STX18: variants seen among roughly 807,000 people sequenced by gnomAD.
The protein encoded by STX18 is syntaxin 18, also known as syntaxin-18.
In STX18, 40 loss-of-function variants were observed where a neutral mutation model predicts 50.1. The ratio of observed to expected loss-of-function variants is 0.80; its 90% CI spans 0.62 to 1.04. The LOEUF is 1.04. STX18 is among the 50% of genes least tolerant of loss of function. The probability of loss-of-function intolerance (pLI) is 0.00; values close to 1 mark genes in which losing one functional copy is unlikely to be tolerated. For synonymous variants in STX18, 158 were observed against 151.8 expected (o/e 1.04, Z -0.30); for missense variants, 410 against 415.8 (o/e 0.99, Z 0.12).
intron 1 of STX18, among the ~76,000 whole-genome samples, chr4:4,537,979 C>G (rs1731418772): frequency 6.6e-6 from 1 of 152,024 alleles, no homozygotes; most frequent in African/African-American, 2.4e-5. Flanking sequence ...GTCAAAGGAC[C>G]TGGCTTCTAC....
intron 1 of STX18, chr4:4,507,881 G>A: frequency 1.8e-6 from 1 of 557,002 alleles, no homozygotes; most frequent in Non-Finnish European, 3.1e-6. Context: ...GAGTTTCCTA[G>A]TCCCTTATGT....
chr4:4,465,543 G>A (rs1024107243), intron 2 of STX18, among the ~76,000 whole-genome samples: 3 of 152,144 alleles, frequency 2.0e-5, no homozygotes, highest in African/African-American at 7.2e-5. Context: ...CTTATAAATG[G>A]GAGCTGAATT....
intron 5 of STX18, among the ~76,000 whole-genome samples, chr4:4,456,114 T>A (rs1227054527): frequency 6.6e-6 from 1 of 151,808 alleles, no homozygotes; most frequent in African/African-American, 2.4e-5. Flanking sequence ...CCCACCCTTA[T>A]AAAATAAAAT....
chr4:4,479,831 T>G (rs1257817697), intron 1 of STX18, among the ~76,000 whole-genome samples: 1 of 152,130 alleles, frequency 6.6e-6, no homozygotes, highest in Non-Finnish European at 1.5e-5. Flanking sequence ...CTTATACACA[T>G]AAAGGTTTTA....
At chr4:4,466,889 C>G (rs924322645) in intron 2 of STX18, among the ~76,000 whole-genome samples, 2 of 152,012 alleles carry the variant, frequency 1.3e-5, no homozygotes, top group Non-Finnish European at 2.9e-5. Context: ...TTTGGAGGCT[C>G]GATTTTTAAA....
chr4:4,485,119 C>T (rs34103014), intron 1 of STX18, among the ~76,000 whole-genome samples: 6,557 of 152,284 alleles, frequency 0.043, 164 homozygotes, highest in Non-Finnish European at 0.055. Flanking sequence ...GGTTCAGATC[C>T]CAGCTCTGCC....
At chr4:4,519,919 GT>G (rs1458420411) in intron 1 of STX18, among the ~76,000 whole-genome samples, 4 of 152,158 alleles carry the variant, frequency 2.6e-5, no homozygotes, top group Admixed American at 2.6e-4. Flanking sequence ...ATTAGGATTG[GT>G]GAGCCAAGCC....
chr4:4,432,002 A>C (rs1725542568), intron 7 of STX18, among the ~76,000 whole-genome samples: 1 of 152,210 alleles, frequency 6.6e-6, no homozygotes, highest in South Asian at 2.1e-4. Context: ...TCAAGTCATA[A>C]GGTGAATTCT....
At position 4,438,490 on chromosome 4, in the gene STX18, G is replaced by C; in HGVS notation, c.517C>G (p.Pro173Ala). The C allele has an allele frequency of 5.0e-6, 8 of 1,613,220 alleles. No homozygotes were observed. The highest frequency in any genetic ancestry group is 6.8e-6 in the Non-Finnish European group (8 of 1,179,438). ...GTGGATTCTCTTGTCTTTGTATTTG[G>C]TTCTGGTTCCAGCTTAGATCTAAAA... is the stretch of plus-strand genomic sequence containing the variant. The part of the protein sequence containing the change: ...KKRLSKLEPE[P>A]NTKTRESTSS... Residue 173 changes from proline (P) to alanine (A), a missense_variant, in exon 6 of 11, where the codon CCA becomes GCA. Transcript: ENST00000306200.
intron 1 of STX18, among the ~76,000 whole-genome samples, chr4:4,480,854 T>A (rs1323532701): frequency 6.6e-6 from 1 of 152,214 alleles, no homozygotes; most frequent in Non-Finnish European, 1.5e-5. Context: ...ATTCTTTTGA[T>A]CTGGAATCAA....
rs1724870525 is a variant in STX18 at position 4,420,378 on chromosome 4, C to T, written c.913-249G>A. 2.0e-6 allele frequency: 1 copy of T among 500,326 alleles called. No homozygotes were observed. The highest frequency in any genetic ancestry group is 3.6e-5 in the East Asian group (1 of 27,768). 31.0% of individuals were successfully genotyped at this position (500,326 alleles called of 1,614,324 possible). ...CTCAACACAACTCTCGGAATCACTC[C>T]CTTCTGTCCCAGGGTTAAGGGCCCC... On this transcript the variant is annotated intron_variant, in intron 10 of 10. Coordinates refer to ENST00000306200, the MANE Select transcript of STX18 (RefSeq NM_016930.4). This position sits in a 1 kb window ranked among gnomAD's most constrained non-coding sequence, Gnocchi z 4.3.
chr4:4,522,826 G>A (rs1402310213), intron 1 of STX18, among the ~76,000 whole-genome samples: 1 of 152,194 alleles, frequency 6.6e-6, no homozygotes, highest in Non-Finnish European at 1.5e-5. Flanking sequence ...TTGCATTGTT[G>A]CATTGGAACT....
Position 4,464,731 on chromosome 4 carries a change from T to C in STX18, c.237-5244A>G, listed in dbSNP as rs571410557. ...GTTGTTTGATTTCCATGCAGTTGTA[T>C]ACCTGTGGGGTCAGTGGTGACATCC... is the stretch of plus-strand genomic sequence containing the variant. On this transcript the variant is annotated intron_variant, in intron 2 of 10. Transcript: ENST00000306200. 5.9e-5 allele frequency among the ~76,000 whole-genome samples: 9 copies of C among 152,372 alleles called. 1 individual carries two copies. In the South Asian group the frequency reaches 1.9e-3, roughly 32 times the overall value.
chr4:4,437,699 C>T (rs1725860499), intron 6 of STX18: 1 of 844,140 alleles, frequency 1.2e-6, no homozygotes, highest in African/African-American at 1.8e-5. Flanking sequence ...CTCCTGGCTC[C>T]AGCACGCCAT....
intron 1 of STX18, chr4:4,507,591 G>C (rs922011008): frequency 2.6e-5 from 20 of 763,694 alleles, no homozygotes; most frequent in Non-Finnish European, 4.6e-5. Context: ...CGCAAGCCTT[G>C]AGGACTTGAT....
chr4:4,457,642 A>G (rs900559475), intron 3 of STX18, 142 bp from the exon 4 acceptor site: 7 of 645,024 alleles, frequency 1.1e-5, no homozygotes, highest in African/African-American at 3.7e-5. Context: ...AAGTGACACT[A>G]CATTTTTAAA....
intron 2 of STX18, among the ~76,000 whole-genome samples, chr4:4,464,369 C>A (rs10019872): frequency 0.32 from 49,084 of 152,084 alleles, 10,350 homozygotes; most frequent in African/African-American, 0.6. Context: ...TTCCAAATGG[C>A]ATTTTCGATG....
At chr4:4,451,897 CTTAG>C (rs1353487346) in intron 5 of STX18, among the ~76,000 whole-genome samples, 1 of 152,174 alleles carries the variant, frequency 6.6e-6, no homozygotes, top group Non-Finnish European at 1.5e-5. Context: ...AATTATGAAT[CTTAG>C]TTAGAAGGCA....
intron 5 of STX18, among the ~76,000 whole-genome samples, chr4:4,449,844 G>A (rs1385709987): frequency 6.6e-6 from 1 of 152,132 alleles, no homozygotes; most frequent in Non-Finnish European, 1.5e-5. Flanking sequence ...GTGTTATAAT[G>A]TGCTACTGCC....
Sources: allele counts gnomAD v4.1 joint callset (sites outside exome capture counted in the v4.1 genomes callset), GRCh38; gene constraint gnomAD v4.1.1; non-coding constraint Gnocchi (gnomAD v3.1); transcripts MANE v1.5; gene names NCBI Gene and HGNC (gene_info 2026-07-23, HGNC 2026-07-21).